The following ICA1 variants were observed in gnomAD, a reference collection of about 807,000 sequenced individuals.
ICA1 encodes the protein 69 kDa islet cell autoantigen.
Under a neutral mutation model 71.0 loss-of-function variants are expected in ICA1, and 40 were observed. The ratio of observed to expected loss-of-function variants is 0.56; its 90% CI spans 0.44 to 0.73. The LOEUF (loss-of-function observed/expected upper bound fraction) is 0.73. ICA1 is among the 30% of genes least tolerant of loss of function. The probability of loss-of-function intolerance (pLI) is 0.00; values close to 1 mark genes in which losing one functional copy is unlikely to be tolerated. For missense variants in ICA1, 578 were observed against 576.5 expected, an observed-to-expected ratio of 1.00 and a Z score of -0.03; for synonymous variants, 207 against 209.5, an observed-to-expected ratio of 0.99 and a Z score of 0.10.
intron 6 of ICA1, among the ~76,000 whole-genome samples, chr7:8,176,215 A>G (rs1323953685): frequency 1.3e-5 from 2 of 152,182 alleles, no homozygotes; most frequent in Non-Finnish European, 2.9e-5. Context: ...GTTACCTTCC[A>G]GGCACCTTAT....
chr7:8,211,916 C>A (rs975649169), intron 6 of ICA1, among the ~76,000 whole-genome samples: 1 of 152,166 alleles, frequency 6.6e-6, no homozygotes, highest in African/African-American at 2.4e-5. Flanking sequence ...AATGAATAGG[C>A]ATGGTCATGT....
chr7:8,124,121 T>A (rs919879573), intron 13 of ICA1, among the ~76,000 whole-genome samples: 5 of 142,682 alleles, frequency 3.5e-5, no homozygotes, highest in African/African-American at 1.3e-4. Flanking sequence ...ATTTTTTTTT[T>A]TTTTTTTTTT....
At chr7:8,161,612 T>C (rs530213770) in intron 6 of ICA1, among the ~76,000 whole-genome samples, 334 of 152,320 alleles carry the variant, frequency 2.2e-3, no homozygotes, top group African/African-American at 7.8e-3. Context: ...CATCAGAATA[T>C]GCCTGGGCTG....
At chr7:8,192,314 G>A (rs1340270170) in intron 6 of ICA1, among the ~76,000 whole-genome samples, 1 of 152,058 alleles carries the variant, frequency 6.6e-6, no homozygotes, top group Non-Finnish European at 1.5e-5. Flanking sequence ...TTCAGGGCAG[G>A]TATTTTAGAG....
At chr7:8,169,873 T>C (rs1160792403) in intron 6 of ICA1, among the ~76,000 whole-genome samples, 1 of 149,914 alleles carries the variant, frequency 6.7e-6, no homozygotes, top group Non-Finnish European at 1.5e-5. Context: ...TTTTCTTTTA[T>C]GGTTGTGTGT....
chr7:8,119,878 T>C (rs766315973), intron 13 of ICA1, among the ~76,000 whole-genome samples: 1 of 152,194 alleles, frequency 6.6e-6, no homozygotes, highest in Non-Finnish European at 1.5e-5. Flanking sequence ...GACCCAGGAA[T>C]ACAAATTATA....
chr7:8,143,125 G>A (rs1416685213), intron 9 of ICA1, among the ~76,000 whole-genome samples: 1 of 152,064 alleles, frequency 6.6e-6, no homozygotes, highest in Non-Finnish European at 1.5e-5. Flanking sequence ...TTCCTAGGTC[G>A]GCCAGTTCAA....
At chr7:8,186,145 C>T (rs1191118550) in intron 6 of ICA1, among the ~76,000 whole-genome samples, 2 of 152,092 alleles carry the variant, frequency 1.3e-5, no homozygotes, top group Admixed American at 6.5e-5. Context: ...ACAGATCAAG[C>T]GACAGCAATT....
In ICA1 at chr7:8,143,808, T is replaced by C. The variant is rs114527475; in HGVS notation, c.902+67A>G. On this transcript the variant is annotated intron_variant, in intron 9 of 13. Coordinates refer to ENST00000402384, the MANE Select transcript of ICA1 (RefSeq NM_001136020.3). The stretch of plus-strand genomic sequence containing the variant: ...GCGTCTGAGGCCCAGCCAGGTTCGG[T>C]CAGCGAGAACCACATAACTCTCACC... 1,365 of 1,016,942 alleles carry C rather than the reference T, an allele frequency of 1.3e-3. 6 individuals carry two copies. In the African/African-American group the frequency reaches 0.019, roughly 14 times the overall value. The allele number at this position is 1,016,942 out of a possible 1,614,324, so 63.0% of individuals were successfully genotyped here. A position where few individuals can be genotyped will look rare whatever the true frequency, so the allele number is the denominator to read the frequency against.
chr7:8,128,501 C>T (rs922265627), intron 12 of ICA1, among the ~76,000 whole-genome samples: 1 of 152,140 alleles, frequency 6.6e-6, no homozygotes, highest in Non-Finnish European at 1.5e-5. Context: ...GCATAGCTTC[C>T]CAAATCTTCC....
intron 6 of ICA1, among the ~76,000 whole-genome samples, chr7:8,172,653 A>C (rs1362642352): frequency 6.6e-6 from 1 of 152,218 alleles, no homozygotes; most frequent in Non-Finnish European, 1.5e-5. Flanking sequence ...TGAAATAATC[A>C]CATGTTTTTT....
At chr7:8,227,920 T>A (rs1488843535) in intron 4 of ICA1, 2 of 415,196 alleles carry the variant, frequency 4.8e-6, no homozygotes, top group Non-Finnish European at 9.9e-6. Context: ...ATATTACTGA[T>A]GTAGAAAAAT....
intron 6 of ICA1, among the ~76,000 whole-genome samples, chr7:8,170,806 A>G (rs1388373745): frequency 6.6e-6 from 1 of 151,908 alleles, no homozygotes. Context: ...GTTTTAATTT[A>G]TATGTCTTTT....
At chr7:8,174,070 C>A (rs1212948350) in intron 6 of ICA1, among the ~76,000 whole-genome samples, 1 of 151,922 alleles carries the variant, frequency 6.6e-6, no homozygotes, top group African/African-American at 2.4e-5. Flanking sequence ...GGAGCAGAGA[C>A]CTGGAGGAAA....
intron 12 of ICA1, among the ~76,000 whole-genome samples, chr7:8,136,183 C>T (rs1231374895): frequency 1.3e-5 from 2 of 152,116 alleles, no homozygotes; most frequent in South Asian, 2.1e-4. Context: ...CTTTGAGAAT[C>T]GTTGCTGTTG....
chr7:8,148,026 C>T (rs1016100657), intron 8 of ICA1, among the ~76,000 whole-genome samples: 6 of 152,044 alleles, frequency 3.9e-5, no homozygotes, highest in Non-Finnish European at 7.4e-5. Flanking sequence ...GGGTGTGTGT[C>T]GGTGCGACCT....
chr7:8,173,030 G>C lies in ICA1; in HGVS notation c.580-14378C>G, dbSNP rs948112010. On this transcript the variant is annotated intron_variant, in intron 6 of 13. Transcript: ENST00000402384. The surrounding 1 kb of genome is among the most constrained non-coding windows in gnomAD (Gnocchi z 4.0). ...GTGAAAGTAAAATAGGGGCTTAGTT[G>C]CTTTGCTTTCTTTGCTTTCCCTATT... Among the ~76,000 whole-genome samples the C allele has an allele frequency of 1.3e-5, 2 of 152,154 alleles. No individual in the cohort carries two copies. Among genetic ancestry groups the C allele is most frequent in the African/African-American group, 4.8e-5 (2 of 41,440 alleles).
At chr7:8,254,356 G>A (rs1312972567) in intron 1 of ICA1, among the ~76,000 whole-genome samples, 3 of 151,720 alleles carry the variant, frequency 2.0e-5, no homozygotes, top group Admixed American at 6.6e-5. Flanking sequence ...GGCTGGCTTA[G>A]GAGCAGGGAA....
chr7:8,239,045 G>C lies in ICA1; in HGVS notation c.-79-3040C>G, dbSNP rs112328657. On this transcript the variant is annotated intron_variant, in intron 1 of 13. Coordinates refer to ENST00000402384, the MANE Select transcript of ICA1 (RefSeq NM_001136020.3). ...TTGGTCTTTCTTGAACAAACTACTG[G>C]ATCATAGGCACAGGAGCAAAGGAAT... Among the ~76,000 whole-genome samples, 301 of 152,310 alleles carry C rather than the reference G, an allele frequency of 2.0e-3. 3 individuals carry two copies. The highest frequency in any genetic ancestry group is 6.7e-3 in the African/African-American group (278 of 41,556).
Sources: gnomAD v4.1 joint callset for allele counts (sites outside exome capture counted in the v4.1 genomes callset) on GRCh38, gnomAD v4.1.1 for gene constraint, Gnocchi (gnomAD v3.1) non-coding constraint, MANE v1.5 for transcripts, NCBI Gene and HGNC (gene_info 2026-07-23, HGNC 2026-07-21) for gene names.